Variants in TRPC4AP observed in about 807,000 individuals in gnomAD.
TRPC4AP encodes short transient receptor potential channel 4-associated protein.
A neutral mutation model predicts 99.0 loss-of-function variants in TRPC4AP; 45 were observed. The ratio of observed to expected loss-of-function variants is 0.45; its 90% CI spans 0.36 to 0.58. TRPC4AP has a LOEUF of 0.58. TRPC4AP is among the 20% of genes least tolerant of loss of function. TRPC4AP has a pLI of 0.00. For synonymous variants in TRPC4AP, 408 were observed against 385.8 expected, an observed-to-expected ratio of 1.06 and a Z score of -0.67; for missense variants, 879 against 985.3, an observed-to-expected ratio of 0.89 and a Z score of 1.44.
chr20:35,007,025 G>T (rs1049840462), intron 14 of TRPC4AP, among the ~76,000 whole-genome samples: 1 of 152,234 alleles, frequency 6.6e-6, no homozygotes, highest in Non-Finnish European at 1.5e-5. Flanking sequence ...TGTTTAAATA[G>T]AGTTTACACC....
intron 1 of TRPC4AP, among the ~76,000 whole-genome samples, chr20:35,084,777 T>C (rs2084789482): frequency 6.6e-6 from 1 of 150,458 alleles, no homozygotes; most frequent in Non-Finnish European, 1.5e-5. Context: ...TGTATATATA[T>C]ACAGGGTATA....
At position 35,069,443 on chromosome 20, in the gene TRPC4AP, GT is replaced by G. The variant is rs758427245; in HGVS notation, c.298-32del. On this transcript the variant is annotated intron_variant, in intron 2 of 18. Coordinates refer to ENST00000252015, the MANE Select transcript of TRPC4AP (RefSeq NM_015638.3). ...TTTTTTAAAAAAAAGTACATACATT[GT>G]TTTAGTAACCAACACAGACCAGACA... 3 of 1,397,682 alleles carry G rather than the reference GT, an allele frequency of 2.1e-6. No homozygotes were observed. The South Asian group carries it at 3.5e-5, about 16-fold the overall frequency. 86.6% of individuals were successfully genotyped at this position (1,397,682 alleles called of 1,614,324 possible).
chr20:35,020,101 C>T (rs1038636803), intron 9 of TRPC4AP, among the ~76,000 whole-genome samples: 1 of 152,210 alleles, frequency 6.6e-6, no homozygotes, highest in South Asian at 2.1e-4. Context: ...CACATCCAAA[C>T]CATCAGCAAA....
rs2082519410 is a variant in TRPC4AP, at chr20:35,006,452, T to C, written c.1810A>G (p.Ile604Val). Residue 604 changes from isoleucine to valine, a missense_variant, in exon 15 of 19, where the codon ATC becomes GTC. Around this residue, in one of 3 missense-constraint regions of TRPC4AP, gnomAD observed 224 missense variants for 264.7 expected, o/e 0.85. Transcript: ENST00000252015. ...VDAFKRFNKY[I>V]NTDAKFQVFL... ...AACTTTACCTTTGCATCGGTGTTGA[T>C]ATATTTATTGAATCTCTTGAATGCA... The C allele has an allele frequency of 6.2e-7, 1 of 1,614,120 alleles. No homozygotes were observed. The highest frequency in any genetic ancestry group is 1.3e-5 in the African/African-American group (1 of 74,940).
At chr20:35,013,644 T>C (rs1297687461) in intron 10 of TRPC4AP, among the ~76,000 whole-genome samples, 2 of 151,946 alleles carry the variant, frequency 1.3e-5, no homozygotes, top group African/African-American at 4.8e-5. Flanking sequence ...CCATAGGAGT[T>C]AGAAATGAAG....
At chr20:35,080,636 G>A (rs1198165930) in intron 1 of TRPC4AP, among the ~76,000 whole-genome samples, 2 of 151,538 alleles carry the variant, frequency 1.3e-5, no homozygotes. Flanking sequence ...CATATCCAGA[G>A]ACAGAAAGAT....
At chr20:35,081,504 C>A (rs979791632) in intron 1 of TRPC4AP, among the ~76,000 whole-genome samples, 1 of 151,092 alleles carries the variant, frequency 6.6e-6, no homozygotes, top group Non-Finnish European at 1.5e-5. Flanking sequence ...CAGAATGCAA[C>A]CCTGTCTCAA....
chr20:35,035,544 A>C (rs2147337915), intron 7 of TRPC4AP, among the ~76,000 whole-genome samples: 1 of 152,324 alleles, frequency 6.6e-6, no homozygotes, highest in African/African-American at 2.4e-5. Context: ...TATAAATTAG[A>C]ATAATCTTTA....
In TRPC4AP at chr20:35,024,825, CAAAAAAAAA is replaced by C. The variant is rs778161091; in HGVS notation, c.1052-3478_1052-3470del. On this transcript the variant is annotated intron_variant, in intron 8 of 18. Coordinates refer to ENST00000252015, the MANE Select transcript of TRPC4AP (RefSeq NM_015638.3). ...CCTAGGTGACAGAGAGAGACCGTCT[CAAAAAAAAA>C]AAAAAAAAAAAAAAAAAAAAATTCT... Among the ~76,000 whole-genome samples the C allele has an allele frequency of 8.1e-4, 29 of 35,868 alleles. 1 individual carries two copies. The highest frequency in any genetic ancestry group is 3.2e-3 in the Admixed American group (8 of 2,498). The allele number at this position is 35,868 out of a possible 152,430, so 23.5% of individuals were successfully genotyped here.
At chr20:35,034,146 C>T (rs2083262259) in intron 8 of TRPC4AP, among the ~76,000 whole-genome samples, 1 of 6,502 alleles carries the variant, frequency 1.5e-4, no homozygotes, top group Non-Finnish European at 2.8e-4. Flanking sequence ...AGCGAGACTC[C>T]GTCTCAAAAA....
intron 9 of TRPC4AP, among the ~76,000 whole-genome samples, chr20:35,016,692 C>T (rs940552647): frequency 2.0e-5 from 3 of 152,086 alleles, no homozygotes; most frequent in African/African-American, 7.2e-5. Context: ...AACCTAGAAG[C>T]TCAAAAAGAA....
rs1208558229 is a variant in TRPC4AP at position 35,068,741 on chromosome 20, C to T, written c.414+555G>A. ...TTCACCATCTTGGACAGGTTGGTCT[C>T]GAACTCCTGACCTCACGATCCACCT... On this transcript the variant is annotated intron_variant, in intron 3 of 18. Coordinates refer to ENST00000252015, the MANE Select transcript of TRPC4AP (RefSeq NM_015638.3). 2.0e-5 allele frequency among the ~76,000 whole-genome samples: 3 copies of T among 151,660 alleles called. 1 individual carries two copies. Among genetic ancestry groups the T allele is most frequent in the East Asian group, 3.9e-4 (2 of 5,190 alleles).
At chr20:35,006,324 C>G in intron 15 of TRPC4AP, 111 bp downstream of exon 15, 1 of 1,303,112 alleles carries the variant, frequency 7.7e-7, no homozygotes, top group East Asian at 2.3e-5. Context: ...ACTGCCCAGA[C>G]TCCCCCGTCG....
rs767667229 is a variant in TRPC4AP, at chr20:35,049,915, G to A, written c.608C>T (p.Thr203Ile). The change falls in exon 6 of 19, where the codon ACA (threonine) becomes ATA (isoleucine). Residue 203 changes from threonine (T) to isoleucine (I), a missense_variant. By Grantham distance (89) the Thr-to-Ile change is moderately conservative. This residue lies in a region of TRPC4AP where 603 missense variants were observed against 631.8 expected (regional missense o/e 0.95). Coordinates refer to ENST00000252015, the MANE Select transcript of TRPC4AP (RefSeq NM_015638.3). The part of the protein sequence containing the change: ...FLFTLMTSKK[T>I]FLQTATLIED... The stretch of plus-strand genomic sequence containing the variant: ...AATGAGGGTTGCTGTTTGTAAGAAT[G>A]TCTTCTTACTTGTCATCAATGTAAA... 3.1e-6 allele frequency: 5 copies of A among 1,613,762 alleles called. No individual in the cohort carries two copies. The highest frequency in any genetic ancestry group is 2.7e-5 in the African/African-American group (2 of 74,918).
chr20:35,032,467 C>CTTTTTTTTTTT (rs35808832), intron 8 of TRPC4AP, among the ~76,000 whole-genome samples: 1 of 95,232 alleles, frequency 1.1e-5, no homozygotes, highest in Non-Finnish European at 2.0e-5. Context: ...GTTCTTTGAT[C>CTTTTTTTTTTT]TTTTTTTTTT....
At chr20:35,033,120 G>A (rs565456567) in intron 8 of TRPC4AP, among the ~76,000 whole-genome samples, 12 of 152,020 alleles carry the variant, frequency 7.9e-5, no homozygotes, top group Non-Finnish European at 1.8e-4. Flanking sequence ...CTTGAACATG[G>A]GAGACAGAGG....
chr20:35,046,180 C>A (rs886525420), intron 6 of TRPC4AP, among the ~76,000 whole-genome samples: 3 of 152,040 alleles, frequency 2.0e-5, no homozygotes, highest in Non-Finnish European at 4.4e-5. Context: ...ATTTTAATAT[C>A]CTATAAGTTA....
intron 3 of TRPC4AP, among the ~76,000 whole-genome samples, chr20:35,064,760 A>G (rs1311795380): frequency 6.6e-6 from 1 of 152,238 alleles, no homozygotes; most frequent in African/African-American, 2.4e-5. Context: ...TAATTATTAT[A>G]CAGTATATAA....
intron 1 of TRPC4AP, among the ~76,000 whole-genome samples, chr20:35,082,726 T>C (rs1720311574): frequency 1.3e-5 from 2 of 152,218 alleles, no homozygotes; most frequent in Non-Finnish European, 2.9e-5. Context: ...TATTTGAAAA[T>C]TTTATTCAAT....
Sources: gnomAD v4.1 joint callset for allele counts (sites outside exome capture counted in the v4.1 genomes callset) on GRCh38, gnomAD v4.1.1 for gene constraint, gnomAD v4.1.1 regional missense constraint, MANE v1.5 for transcripts, NCBI Gene and HGNC (gene_info 2026-07-23, HGNC 2026-07-21) for gene names.